CENPK: variants seen among roughly 807,000 people sequenced by gnomAD.
CENPK encodes SoxLZ/Sox6-binding protein Solt.
CENPK carries 46 observed loss-of-function variants against 40.9 expected under a neutral mutation model. The ratio of observed to expected loss-of-function variants is 1.13; its 90% CI spans 0.89 to 1.44. The LOEUF (loss-of-function observed/expected upper bound fraction) is 1.44. Ranked by LOEUF, CENPK falls within the 40% of genes most tolerant of loss-of-function variation. CENPK has a pLI of 0.00. For missense variants in CENPK, 288 were observed against 303.5 expected, an observed-to-expected ratio of 0.95 and a Z score of 0.38; for synonymous variants, 107 against 104.4, an observed-to-expected ratio of 1.02 and a Z score of -0.15.
At chr5:65,545,322 GCGCACACACACACACA>G (rs59099408) in intron 5 of CENPK, among the ~76,000 whole-genome samples, 16,901 of 133,114 alleles carry the variant, frequency 0.13, 1,764 homozygotes, top group South Asian at 0.19. Flanking sequence ...TCCTCAAAGC[GCGCACACACACACACA>G]CACACACACA....
In CENPK at chr5:65,542,823, G is replaced by A. The variant is rs138507676; in HGVS notation, c.267C>T (p.Leu89=). 71 of 1,609,858 alleles carry A rather than the reference G, an allele frequency of 4.4e-5. No homozygotes were observed. The highest frequency in any genetic ancestry group is 5.4e-5 in the Non-Finnish European group (64 of 1,178,230). Residue 89 remains leucine, a synonymous_variant, in exon 6 of 11, where the codon CTC becomes CTT. Transcript: ENST00000396679. The part of the protein sequence containing the change: ...PETIPLTEDV[L]ITLGKEEFQK... The stretch of plus-strand genomic sequence containing the variant: ...TTACCTCTTCTTTTCCTAATGTTAT[G>A]AGAACGTCTTCAGTCAAGGGAATTG...
At chr5:65,502,666 A>G in the CENPK span, among the ~76,000 whole-genome samples, 5 of 152,144 alleles carry the variant, frequency 3.3e-5, no homozygotes, top group East Asian at 3.9e-4. Flanking sequence ...GCTAGAGGCT[A>G]GAGTGCAGTG....
chr5:65,504,910 TTA>T, the CENPK span, among the ~76,000 whole-genome samples: 1 of 152,126 alleles, frequency 6.6e-6, no homozygotes. Flanking sequence ...GGAAAGATTT[TTA>T]GTTTTTTATA....
the CENPK span, among the ~76,000 whole-genome samples, chr5:65,506,199 C>T: frequency 2.1e-5 from 3 of 146,184 alleles, no homozygotes; most frequent in Admixed American, 2.1e-4. Context: ...GCCTGGGCAA[C>T]ATAGCAAGAT....
At chr5:65,514,230 C>CT (rs1183025827), downstream of CENPK, among the ~76,000 whole-genome samples, 48 of 62,784 alleles carry the variant, frequency 7.6e-4, 2 homozygotes, top group South Asian at 4.8e-3. Context: ...CTCACATAAT[C>CT]TTTTTTTTTT....
chr5:65,527,497 CCATATATATATATATA>C (rs1246794069), intron 9 of CENPK, among the ~76,000 whole-genome samples: 2 of 86,298 alleles, frequency 2.3e-5, no homozygotes, highest in South Asian at 4.6e-4. Flanking sequence ...CTTATTAACA[CCATATATATATATATA>C]TATATATATA....
chr5:65,525,515 T>C (rs1380212527), intron 9 of CENPK, among the ~76,000 whole-genome samples: 1 of 152,216 alleles, frequency 6.6e-6, no homozygotes, highest in Non-Finnish European at 1.5e-5. Context: ...ACATTAATTG[T>C]GATGTTCACT....
chr5:65,557,662 C>G (rs1486577133), intron 2 of CENPK, among the ~76,000 whole-genome samples: 1 of 152,226 alleles, frequency 6.6e-6, no homozygotes, highest in Non-Finnish European at 1.5e-5. Flanking sequence ...CTAGCCAAGG[C>G]TCCAGATACT....
downstream of CENPK, among the ~76,000 whole-genome samples, chr5:65,516,719 C>T (rs903693172): frequency 6.6e-6 from 1 of 151,678 alleles, no homozygotes; most frequent in Non-Finnish European, 1.5e-5. Flanking sequence ...AGCAAGATTC[C>T]ATCAAAACAA....
intron 5 of CENPK, among the ~76,000 whole-genome samples, chr5:65,547,730 T>A (rs1229700333): frequency 6.6e-6 from 1 of 152,086 alleles, no homozygotes; most frequent in Admixed American, 6.6e-5. Flanking sequence ...AGTGGCATGA[T>A]CTCGGCTCAC....
chr5:65,499,167 C>A, the CENPK span, among the ~76,000 whole-genome samples: 1 of 150,430 alleles, frequency 6.6e-6, no homozygotes, highest in Non-Finnish European at 1.5e-5. Context: ...TGAGCCACTG[C>A]ACCCAGCCAG....
intron 6 of CENPK, among the ~76,000 whole-genome samples, chr5:65,533,611 T>C (rs879762132): frequency 7.2e-5 from 11 of 152,126 alleles, no homozygotes; most frequent in Non-Finnish European, 8.8e-5. Context: ...ATAAAAATTA[T>C]ACAGAAGGGA....
At chr5:65,522,252 C>T (rs1176420388) in intron 9 of CENPK, among the ~76,000 whole-genome samples, 1 of 152,144 alleles carries the variant, frequency 6.6e-6, no homozygotes, top group Non-Finnish European at 1.5e-5. Flanking sequence ...CTTTCTATAG[C>T]TCTTGACAGT....
chr5:65,521,319 T>G (rs961733168), intron 10 of CENPK, among the ~76,000 whole-genome samples, 156 bp downstream of exon 10: 5 of 152,156 alleles, frequency 3.3e-5, no homozygotes, highest in African/African-American at 7.2e-5. Context: ...AGAAACTAAT[T>G]TTATACCAAA....
intron 5 of CENPK, among the ~76,000 whole-genome samples, chr5:65,547,225 T>G (rs960548777): frequency 1.6e-4 from 25 of 151,914 alleles, no homozygotes; most frequent in African/African-American, 6.0e-4. Context: ...AAACCCCGTC[T>G]CTACTACAAA....
At chr5:65,551,503 A>G (rs113818266) in intron 5 of CENPK, 61 bp downstream of exon 5, 21 of 920,806 alleles carry the variant, frequency 2.3e-5, no homozygotes, top group African/African-American at 1.7e-4. Flanking sequence ...TCCTACAATT[A>G]TTAAATTAAT....
At chr5:65,541,105 G>A (rs980566181) in intron 6 of CENPK, among the ~76,000 whole-genome samples, 1 of 152,154 alleles carries the variant, frequency 6.6e-6, no homozygotes, top group Non-Finnish European at 1.5e-5. Flanking sequence ...TTACAGGTGT[G>A]AGCCACCATG....
chr5:65,543,331 C>T (rs569400214), intron 5 of CENPK, among the ~76,000 whole-genome samples: 10 of 152,224 alleles, frequency 6.6e-5, no homozygotes, highest in African/African-American at 1.9e-4. Context: ...TATTTATGTA[C>T]TGTTTAGTGC....
chr5:65,514,943 GTT>G (rs1422758460), downstream of CENPK, among the ~76,000 whole-genome samples: 1 of 140,646 alleles, frequency 7.1e-6, no homozygotes, highest in Non-Finnish European at 1.5e-5. Flanking sequence ...AGTAATTTTT[GTT>G]TTTTCTTTTG....
Sources: allele counts gnomAD v4.1 joint callset (sites outside exome capture counted in the v4.1 genomes callset), GRCh38; gene constraint gnomAD v4.1.1; transcripts MANE v1.5; gene names NCBI Gene and HGNC (gene_info 2026-07-23, HGNC 2026-07-21).